The following GPC6 variants were observed in gnomAD, a reference collection of about 807,000 sequenced individuals.
GPC6 encodes glypican 6.
A neutral mutation model predicts 55.2 loss-of-function variants in GPC6; 14 were observed. The observed-to-expected ratio is 0.25, with a 90% confidence interval of 0.17 to 0.40. The LOEUF is 0.40. GPC6 is among the 10% of genes least tolerant of loss of function. The pLI is 1.00. For synonymous variants in GPC6, 278 were observed against 259.6 expected (o/e 1.07, Z -0.68); for missense variants, 641 against 708.5 (o/e 0.90, Z 1.08).
At chr13:93,373,042 C>T (rs981938819) in intron 1 of GPC6, among the ~76,000 whole-genome samples, 5 of 152,120 alleles carry the variant, frequency 3.3e-5, no homozygotes, top group African/African-American at 9.7e-5. Context: ...TGTTAGCCAC[C>T]CTGCTGGATG....
intron 5 of GPC6, among the ~76,000 whole-genome samples, chr13:94,290,728 C>A (rs1033245172): frequency 2.0e-5 from 3 of 152,068 alleles, no homozygotes; most frequent in African/African-American, 7.2e-5. Context: ...TAGTTTAGGT[C>A]AAGTATTAAA....
intron 3 of GPC6, among the ~76,000 whole-genome samples, chr13:93,964,333 A>T (rs1313623198): frequency 2.0e-5 from 3 of 152,168 alleles, no homozygotes; most frequent in African/African-American, 7.2e-5. Flanking sequence ...ACATAATGAT[A>T]TCATGCATTA....
intron 2 of GPC6, among the ~76,000 whole-genome samples, chr13:93,732,405 G>C (rs1250739021): frequency 6.6e-6 from 1 of 152,098 alleles, no homozygotes; most frequent in Non-Finnish European, 1.5e-5. Context: ...TTTATCTCAA[G>C]TGAAAAAGAC....
chr13:93,414,899 T>G (rs1015251783), intron 1 of GPC6, among the ~76,000 whole-genome samples: 2 of 152,140 alleles, frequency 1.3e-5, no homozygotes, highest in African/African-American at 4.8e-5. Context: ...GAATAACAAA[T>G]GATGACAATG....
intron 2 of GPC6, among the ~76,000 whole-genome samples, chr13:93,679,412 C>T (rs117452897): frequency 0.014 from 2,181 of 152,152 alleles, 48 homozygotes; most frequent in Admixed American, 0.063. Context: ...GGAAGAGTGG[C>T]AATTTTGCTG....
rs7989181 is a variant in GPC6 at position 94,055,997 on chromosome 13, T to C, written c.877+28103T>C. 3.3e-3 allele frequency among the ~76,000 whole-genome samples: 508 copies of C among 152,284 alleles called. 6 individuals are homozygous for C. The highest frequency in any genetic ancestry group is 0.012 in the African/African-American group (494 of 41,566). On this transcript the variant is annotated intron_variant, in intron 4 of 8. Coordinates refer to ENST00000377047, the MANE Select transcript of GPC6 (RefSeq NM_005708.5). ...ATAGCACCACCACCTAACAGGACTC[T>C]GACTCAGCCAAGGCCCAGCCCCTCT...
At chr13:93,329,668 G>A (rs1291158613) in intron 1 of GPC6, among the ~76,000 whole-genome samples, 2 of 152,108 alleles carry the variant, frequency 1.3e-5, no homozygotes, top group East Asian at 1.9e-4. Context: ...GGAGTATGCT[G>A]TTGATGTTTT....
At chr13:93,361,390 C>T (rs1881034839) in intron 1 of GPC6, among the ~76,000 whole-genome samples, 1 of 152,126 alleles carries the variant, frequency 6.6e-6, no homozygotes. Flanking sequence ...CCCACAAACC[C>T]CTAAGATGTA....
intron 1 of GPC6, among the ~76,000 whole-genome samples, chr13:93,488,908 C>T (rs1188727193): frequency 2.6e-5 from 4 of 152,038 alleles, no homozygotes; most frequent in Non-Finnish European, 4.4e-5. Context: ...AATTTTCTCC[C>T]ATTCTATAGG....
At chr13:93,745,959 A>G (rs1008495905) in intron 2 of GPC6, among the ~76,000 whole-genome samples, 1 of 152,222 alleles carries the variant, frequency 6.6e-6, no homozygotes, top group African/African-American at 2.4e-5. Flanking sequence ...CAAATCAGTG[A>G]TAATGAAATT....
At chr13:93,763,015 T>C (rs903954570) in intron 2 of GPC6, among the ~76,000 whole-genome samples, 3 of 152,230 alleles carry the variant, frequency 2.0e-5, no homozygotes, top group Non-Finnish European at 4.4e-5. Flanking sequence ...TGGAGTGCTT[T>C]ATACTTTTCA....
At chr13:93,384,023 G>C (rs965801883) in intron 1 of GPC6, among the ~76,000 whole-genome samples, 4 of 151,998 alleles carry the variant, frequency 2.6e-5, no homozygotes, top group African/African-American at 9.7e-5. Context: ...ACTTATTAAA[G>C]GCTTGGATCA....
At chr13:94,232,376 A>T (rs1156304633) in intron 4 of GPC6, among the ~76,000 whole-genome samples, 1 of 152,202 alleles carries the variant, frequency 6.6e-6, no homozygotes, top group African/African-American at 2.4e-5. Context: ...CAGTGCTTTC[A>T]TGGTCGCCTG....
chr13:93,382,229 G>A (rs1026063984), intron 1 of GPC6, among the ~76,000 whole-genome samples: 1 of 152,044 alleles, frequency 6.6e-6, no homozygotes, highest in Non-Finnish European at 1.5e-5. Context: ...TGTAATAGAC[G>A]CTTAACATCA....
At chr13:94,037,325 A>G (rs961288175) in intron 4 of GPC6, among the ~76,000 whole-genome samples, 1 of 152,008 alleles carries the variant, frequency 6.6e-6, no homozygotes, top group Admixed American at 6.6e-5. Context: ...CACTTTATTA[A>G]TTAAAGATCC....
chr13:93,517,242 C>T (rs1291642356), intron 1 of GPC6, among the ~76,000 whole-genome samples: 1 of 152,018 alleles, frequency 6.6e-6, no homozygotes, highest in Non-Finnish European at 1.5e-5. Context: ...GGAAGATGTA[C>T]TTAGGAAGAA....
chr13:93,789,501 CTCTCTCTCTATATATA>C (rs1461370362), intron 2 of GPC6, among the ~76,000 whole-genome samples: 6 of 78,978 alleles, frequency 7.6e-5, no homozygotes, highest in African/African-American at 1.4e-4. Context: ...CTCTCTCTCT[CTCTCTCTCTATATATA>C]TATATATATA....
intron 1 of GPC6, among the ~76,000 whole-genome samples, chr13:93,519,374 A>G (rs1243735328): frequency 6.6e-6 from 1 of 152,012 alleles, no homozygotes; most frequent in Non-Finnish European, 1.5e-5. Context: ...TTCTTCCGTA[A>G]AAGTGGGGCA....
In GPC6 at chr13:93,399,615, G is replaced by A. The variant is rs141865204; in HGVS notation, c.161-145648G>A. Among the ~76,000 whole-genome samples the A allele has an allele frequency of 9.1e-3, 1,392 of 152,334 alleles. 22 individuals carry two copies. The highest frequency in any genetic ancestry group is 8.1e-3 in the Non-Finnish European group (548 of 68,036). On this transcript the variant is annotated intron_variant, in intron 1 of 8. Transcript: ENST00000377047. Reference sequence around the variant, plus strand: ...AAAGAAATGTGAGTGTGACTCATGGGTCTGTCTTTTCATGCTGTTGAACAT... The same window carrying A: ...AAAGAAATGTGAGTGTGACTCATGGATCTGTCTTTTCATGCTGTTGAACAT...
Sources: gnomAD v4.1 joint callset for allele counts (sites outside exome capture counted in the v4.1 genomes callset) on GRCh38, gnomAD v4.1.1 for gene constraint, MANE v1.5 for transcripts, NCBI Gene and HGNC (gene_info 2026-07-23, HGNC 2026-07-21) for gene names.